Variants in ARB2A observed in about 807,000 individuals in gnomAD.
The protein encoded by ARB2A is ARB2 cotranscriptional regulator A, also known as cotranscriptional regulator ARB2A.
At chr5:94,089,294 A>G in the ARB2A span, among the ~76,000 whole-genome samples, 1 of 152,184 alleles carries the variant, frequency 6.6e-6, no homozygotes, top group Non-Finnish European at 1.5e-5. Flanking sequence ...GCAGTGAGAA[A>G]ATTATAAAGC....
chr5:94,074,403 A>AT, the ARB2A span, among the ~76,000 whole-genome samples: 1 of 152,128 alleles, frequency 6.6e-6, no homozygotes, highest in Non-Finnish European at 1.5e-5. Context: ...AATGTATGAC[A>AT]TTGAGTAAGA....
chr5:93,716,173 C>A, the ARB2A span, among the ~76,000 whole-genome samples: 8 of 152,208 alleles, frequency 5.3e-5, no homozygotes, highest in Admixed American at 2.0e-4. Flanking sequence ...AGACCCTCTA[C>A]AAGATTCTAT....
chr5:93,868,466 G>A, the ARB2A span, among the ~76,000 whole-genome samples: 2 of 152,220 alleles, frequency 1.3e-5, no homozygotes, highest in Admixed American at 6.5e-5. Context: ...GTGCATGCGT[G>A]AGTACTGAAA....
chr5:93,882,199 T>C, the ARB2A span, among the ~76,000 whole-genome samples: 51 of 151,442 alleles, frequency 3.4e-4, no homozygotes, highest in African/African-American at 1.2e-3. Context: ...AAAGAATAAA[T>C]CTGATTTAAC....
At chr5:94,092,811 T>A in the ARB2A span, among the ~76,000 whole-genome samples, 6 of 152,164 alleles carry the variant, frequency 3.9e-5, no homozygotes, top group Admixed American at 6.5e-5. Flanking sequence ...TAGATGCTCC[T>A]TTGCTTTTTA....
the ARB2A span, among the ~76,000 whole-genome samples, chr5:93,886,900 G>C: frequency 6.6e-6 from 1 of 151,446 alleles, no homozygotes; most frequent in Non-Finnish European, 1.5e-5. Context: ...TGTGTTCCAT[G>C]GTATAAAAAT....
the ARB2A span, among the ~76,000 whole-genome samples, chr5:93,819,773 G>C: frequency 6.6e-6 from 1 of 152,238 alleles, no homozygotes; most frequent in African/African-American, 2.4e-5. Context: ...GCTGAGAGTA[G>C]AGAGAGGTTG....
the ARB2A span, chr5:93,824,344 C>A: frequency 2.0e-6 from 2 of 977,034 alleles, no homozygotes; most frequent in South Asian, 2.5e-5. Flanking sequence ...AAATTATATG[C>A]TTGCATACAC....
the ARB2A span, among the ~76,000 whole-genome samples, chr5:94,072,496 T>C: frequency 6.6e-6 from 1 of 152,144 alleles, no homozygotes; most frequent in South Asian, 2.1e-4. Context: ...CATTAGGCTA[T>C]GACAAATAAT....
chr5:93,922,091 T>C, the ARB2A span, among the ~76,000 whole-genome samples: 4 of 152,116 alleles, frequency 2.6e-5, no homozygotes. Flanking sequence ...AGAACCCTGA[T>C]GAAAGATTAT....
the ARB2A span, among the ~76,000 whole-genome samples, chr5:93,901,609 C>T: frequency 6.6e-6 from 1 of 152,028 alleles, no homozygotes; most frequent in Admixed American, 6.6e-5. Flanking sequence ...TGCAATAATC[C>T]TCCAGAAGTT....
At chr5:93,904,857 A>G in the ARB2A span, among the ~76,000 whole-genome samples, 1 of 151,710 alleles carries the variant, frequency 6.6e-6, no homozygotes, top group African/African-American at 2.4e-5. Flanking sequence ...ATGCAGGTAA[A>G]TTATTACACC....
At chr5:94,011,061 C>G in the ARB2A span, among the ~76,000 whole-genome samples, 4 of 152,192 alleles carry the variant, frequency 2.6e-5, no homozygotes, top group African/African-American at 9.7e-5. Context: ...GTCAGGAGAA[C>G]TCCAATAGAG....
chr5:94,093,518 C>A, the ARB2A span, among the ~76,000 whole-genome samples: 1 of 152,144 alleles, frequency 6.6e-6, no homozygotes, highest in Non-Finnish European at 1.5e-5. Flanking sequence ...AGGGTCCCAC[C>A]TTTATGACCT....
At chr5:93,651,625 C>A in the ARB2A span, among the ~76,000 whole-genome samples, 2 of 151,982 alleles carry the variant, frequency 1.3e-5, no homozygotes, top group African/African-American at 4.8e-5. Flanking sequence ...AGAGTGAATG[C>A]GCAGCACTAG....
chr5:94,091,051 C>A, the ARB2A span, among the ~76,000 whole-genome samples: 1 of 152,034 alleles, frequency 6.6e-6, no homozygotes, highest in Non-Finnish European at 1.5e-5. Context: ...AAGGGTTGAC[C>A]TGACTGAAGT....
At chr5:93,898,211 T>C in the ARB2A span, among the ~76,000 whole-genome samples, 122 of 152,172 alleles carry the variant, frequency 8.0e-4, no homozygotes, top group African/African-American at 2.8e-3. Flanking sequence ...TTCTTTTAGA[T>C]ACTTTTATTT....
the ARB2A span, among the ~76,000 whole-genome samples, chr5:93,918,062 G>C: frequency 6.6e-6 from 1 of 152,070 alleles, no homozygotes; most frequent in South Asian, 2.1e-4. Flanking sequence ...GACTCTCAAT[G>C]TGGTCCTAAT....
At chr5:93,776,233 T>A in the ARB2A span, 1 of 1,610,572 alleles carries the variant, frequency 6.2e-7, no homozygotes, top group South Asian at 1.1e-5. Context: ...AGAGACCCAA[T>A]TACAACAGTT....
Sources: allele counts gnomAD v4.1 joint callset (sites outside exome capture counted in the v4.1 genomes callset), GRCh38; gene constraint gnomAD v4.1.1; transcripts MANE v1.5; gene names NCBI Gene and HGNC (gene_info 2026-07-23, HGNC 2026-07-21).